SNX13: variants seen among roughly 807,000 people sequenced by gnomAD.
The protein encoded by SNX13 is sorting nexin-13.
A neutral mutation model predicts 133.6 loss-of-function variants in SNX13; 45 were observed. The ratio of observed to expected loss-of-function variants is 0.34; its 90% CI spans 0.27 to 0.43. SNX13 has a LOEUF of 0.43. Ranked by LOEUF, SNX13 falls within the 20% of genes least tolerant of loss-of-function variation. The probability of loss-of-function intolerance (pLI) is 1.00; values close to 1 mark genes in which losing one functional copy is unlikely to be tolerated. For missense variants in SNX13, 1,032 were observed against 1,145.1 expected (o/e 0.90, Z 1.43); for synonymous variants, 414 against 373.9 (o/e 1.11, Z -1.24).
intron 20 of SNX13, among the ~76,000 whole-genome samples, chr7:17,810,488 A>G (rs992486119): frequency 6.7e-6 from 1 of 150,354 alleles, no homozygotes; most frequent in Non-Finnish European, 1.5e-5. Context: ...CCTACCAAAG[A>G]AAAAAAAAGC....
chr7:17,800,374 C>T (rs895887435), intron 22 of SNX13, among the ~76,000 whole-genome samples: 2 of 151,488 alleles, frequency 1.3e-5, no homozygotes, highest in African/African-American at 4.8e-5. Context: ...TAAAACAGAT[C>T]CAAACATATA....
chr7:17,820,083 C>T (rs1787119874), intron 18 of SNX13, among the ~76,000 whole-genome samples: 1 of 152,118 alleles, frequency 6.6e-6, no homozygotes, highest in African/African-American at 2.4e-5. Context: ...GTATGTTCTT[C>T]ATTTACATTT....
chr7:17,935,657 T>G (rs1360109540), intron 1 of SNX13, among the ~76,000 whole-genome samples: 3 of 152,204 alleles, frequency 2.0e-5, no homozygotes, highest in Non-Finnish European at 2.9e-5. Flanking sequence ...AGAATGTTTA[T>G]CAATATTCCT....
At chr7:17,882,686 T>G in intron 5 of SNX13, 1 of 601,536 alleles carries the variant, frequency 1.7e-6, no homozygotes, top group Non-Finnish European at 2.3e-6. Flanking sequence ...TTAGTGTGTG[T>G]TTTGGGAGGA....
intron 20 of SNX13, among the ~76,000 whole-genome samples, chr7:17,809,175 G>A (rs1388284725): frequency 2.0e-5 from 3 of 148,056 alleles, no homozygotes; most frequent in Non-Finnish European, 4.5e-5. Flanking sequence ...CAGATAAATT[G>A]TCAAGACCCA....
In SNX13 at chr7:17,893,387, T is replaced by C. The variant is rs1431395598; in HGVS notation, c.173A>G (p.Tyr58Cys). 1.3e-6 allele frequency: 2 copies of C among 1,576,530 alleles called. No individual in the cohort carries two copies. Among genetic ancestry groups the C allele is most frequent in the Non-Finnish European group, 1.7e-6 (2 of 1,159,296 alleles). ...AAATGAGTGTTCACACTGTTCTAGG[T>C]ACTTCTCTGAGTTTGTTTTTCCAAA... ...LLFGKTNSEK[Y>C]LEQCEHSFLP... Residue 58 changes from tyrosine to cysteine, a missense_variant, in exon 3 of 26, where the codon TAC becomes TGC. Tyr to Cys is a radical substitution (Grantham distance 194, BLOSUM62 -2). Transcript: ENST00000428135.
rs1786105973 is a variant in SNX13 at position 17,812,066 on chromosome 7, A to G, written c.2064+2768T>C. 2.0e-5 allele frequency among the ~76,000 whole-genome samples: 3 copies of G among 152,212 alleles called. 1 individual carries two copies. Among genetic ancestry groups the G allele is most frequent in the Admixed American group, 2.0e-4 (3 of 15,284 alleles). ...AACCCTAGAAGAAAACCTAGGCAATACAATCCAGGACATAGGGATGGGCAA... is the reference window on the plus strand; with the variant it reads ...AACCCTAGAAGAAAACCTAGGCAATGCAATCCAGGACATAGGGATGGGCAA... On this transcript the variant is annotated intron_variant, in intron 20 of 25. Coordinates refer to ENST00000428135, the MANE Select transcript of SNX13 (RefSeq NM_015132.5).
chr7:17,877,282 T>C (rs1262918029), intron 5 of SNX13, among the ~76,000 whole-genome samples: 1 of 152,032 alleles, frequency 6.6e-6, no homozygotes, highest in Non-Finnish European at 1.5e-5. Context: ...GAGCCATGCA[T>C]ATAAGCATAT....
rs990203911 is a variant in SNX13 at position 17,799,350 on chromosome 7, T to C, written c.2299-196A>G. On this transcript the variant is annotated intron_variant, in intron 22 of 25. Coordinates refer to ENST00000428135, the MANE Select transcript of SNX13 (RefSeq NM_015132.5). ...CATTCTGACAGAATACAGAACTTCATAGCCCCACAATAATGAATAAATTTT... is the reference window on the plus strand; with the variant it reads ...CATTCTGACAGAATACAGAACTTCACAGCCCCACAATAATGAATAAATTTT... Among the ~76,000 whole-genome samples, 4 of 151,800 alleles carry C rather than the reference T, an allele frequency of 2.6e-5. No homozygotes were observed. In the South Asian group the frequency reaches 6.2e-4, roughly 24 times the overall value.
intron 1 of SNX13, among the ~76,000 whole-genome samples, chr7:17,929,134 T>G (rs1231810158): frequency 6.6e-6 from 1 of 151,636 alleles, no homozygotes; most frequent in African/African-American, 2.4e-5. Context: ...CAGAGAAGAA[T>G]AATGAATACA....
At chr7:17,829,518 A>T (rs149105767) in intron 16 of SNX13, among the ~76,000 whole-genome samples, 1,656 of 151,502 alleles carry the variant, frequency 0.011, 105 homozygotes, top group Admixed American at 0.1. Context: ...ACAAAAAAAA[A>T]TTTTTTGTTT....
At chr7:17,883,168 A>G (rs1447533034) in intron 5 of SNX13, among the ~76,000 whole-genome samples, 1 of 152,208 alleles carries the variant, frequency 6.6e-6, no homozygotes, top group Admixed American at 6.5e-5. Flanking sequence ...CCTATATCCT[A>G]TATTTCAATG....
chr7:17,810,956 C>T (rs1033893851), intron 20 of SNX13, among the ~76,000 whole-genome samples: 16 of 152,154 alleles, frequency 1.1e-4, no homozygotes, highest in African/African-American at 3.9e-4. Context: ...TTCAACACCC[C>T]TTCATGCTAA....
intron 1 of SNX13, chr7:17,899,688 A>T (rs1437129594): frequency 2.0e-5 from 3 of 151,988 alleles, no homozygotes; most frequent in Non-Finnish European, 4.4e-5. Context: ...TTTATCTGAT[A>T]AGATTCTGAA....
intron 9 of SNX13, among the ~76,000 whole-genome samples, chr7:17,852,236 T>C (rs1276623511): frequency 6.6e-6 from 1 of 152,156 alleles, no homozygotes; most frequent in African/African-American, 2.4e-5. Context: ...TAGCTGGGCA[T>C]GGTGGCAGGT....
At chr7:17,902,797 T>C (rs1345165959) in intron 1 of SNX13, among the ~76,000 whole-genome samples, 2 of 152,016 alleles carry the variant, frequency 1.3e-5, no homozygotes, top group Non-Finnish European at 2.9e-5. Context: ...CAGCAGGAGG[T>C]GAGCATGCCG....
intron 14 of SNX13, among the ~76,000 whole-genome samples, 191 bp downstream of exon 14, chr7:17,834,570 G>A (rs1206452733): frequency 6.6e-6 from 1 of 151,694 alleles, no homozygotes; most frequent in Non-Finnish European, 1.5e-5. Flanking sequence ...CCAACTTAAG[G>A]ATTTTCCTCA....
intron 1 of SNX13, among the ~76,000 whole-genome samples, chr7:17,916,569 T>A (rs1799584352): frequency 1.3e-5 from 2 of 151,948 alleles, no homozygotes; most frequent in South Asian, 4.1e-4. Context: ...AATGGAAATA[T>A]TCCTGGAAAC....
At chr7:17,805,408 T>C (rs759502538) in intron 20 of SNX13, among the ~76,000 whole-genome samples, 11 of 152,172 alleles carry the variant, frequency 7.2e-5, no homozygotes, top group Non-Finnish European at 4.4e-5. Context: ...AGCTAAGTCA[T>C]GAGAATATAG....
Sources: allele counts gnomAD v4.1 joint callset (sites outside exome capture counted in the v4.1 genomes callset), GRCh38; gene constraint gnomAD v4.1.1; transcripts MANE v1.5; gene names NCBI Gene and HGNC (gene_info 2026-07-23, HGNC 2026-07-21).